Variants in PTPRT observed in about 807,000 individuals in gnomAD.
PTPRT encodes the protein receptor-type tyrosine-protein phosphatase T.
Under a neutral mutation model 176.8 loss-of-function variants are expected in PTPRT, and 56 were observed. The observed-to-expected ratio is 0.32, with a 90% CI of 0.26 to 0.40. The LOEUF (loss-of-function observed/expected upper bound fraction) is 0.40, where lower values mean the gene tolerates loss of function less well. PTPRT is among the 10% of genes least tolerant of loss of function. The pLI is 1.00. For synonymous variants in PTPRT, 783 were observed against 739.0 expected, an observed-to-expected ratio of 1.06 and a Z score of -0.96; for missense variants, 1,540 against 1,908.2, an observed-to-expected ratio of 0.81 and a Z score of 3.60.
chr20:42,972,698 A>AAT (rs1982724468), intron 1 of PTPRT, among the ~76,000 whole-genome samples: 1 of 147,068 alleles, frequency 6.8e-6, no homozygotes, highest in Non-Finnish European at 1.5e-5. Flanking sequence ...AAAAAAAAAA[A>AAT]GGAAGAAGAA....
At chr20:42,497,431 T>G (rs2071674464) in intron 7 of PTPRT, among the ~76,000 whole-genome samples, 1 of 152,042 alleles carries the variant, frequency 6.6e-6, no homozygotes, top group South Asian at 2.1e-4. Context: ...CAAAAGCTGC[T>G]TCTCCTGTTA....
At position 42,791,264 on chromosome 20, in the gene PTPRT, G is replaced by A. The variant is rs531203130; in HGVS notation, c.417C>T (p.Ser139=). The change falls in exon 3 of 31, where the codon TCC becomes TCT. Residue 139 remains serine (S), a synonymous_variant. Coordinates refer to ENST00000373187, the MANE Select transcript of PTPRT (RefSeq NM_007050.6). ...GPQGNPVWNV[S]GVVTEGWVKA... ...TCACCCAGCCCTCAGTGACGACCCCGGACACATTCCACACAGGGTTCCCTT... is the reference window on the plus strand; with the variant it reads ...TCACCCAGCCCTCAGTGACGACCCCAGACACATTCCACACAGGGTTCCCTT... 1.3e-4 allele frequency: 203 copies of A among 1,614,028 alleles called. 1 individual carries two copies. The East Asian group carries it at 3.7e-3, about 29-fold the overall frequency.
At chr20:42,433,308 A>G (rs73123336) in intron 9 of PTPRT, among the ~76,000 whole-genome samples, 17,950 of 152,238 alleles carry the variant, frequency 0.12, 1,071 homozygotes, top group Middle Eastern at 0.14. Context: ...AAAGAAATCC[A>G]GAAATTACCT....
At chr20:42,422,472 A>G (rs1308326710) in intron 9 of PTPRT, among the ~76,000 whole-genome samples, 1 of 152,218 alleles carries the variant, frequency 6.6e-6, no homozygotes, top group East Asian at 1.9e-4. Context: ...ATCGTTAGAG[A>G]AATGCAAATC....
chr20:42,221,258 C>A (rs1390652716), intron 15 of PTPRT, among the ~76,000 whole-genome samples: 2 of 152,082 alleles, frequency 1.3e-5, no homozygotes. Context: ...TCCGCCTTGG[C>A]CTCCCAAAGT....
intron 13 of PTPRT, among the ~76,000 whole-genome samples, chr20:42,253,308 TA>T (rs918545923): frequency 3.6e-4 from 55 of 152,252 alleles, no homozygotes; most frequent in African/African-American, 1.3e-3. Flanking sequence ...ATGCCAGCAG[TA>T]GGTCCATATA....
intron 9 of PTPRT, among the ~76,000 whole-genome samples, chr20:42,391,136 C>T (rs1007741644): frequency 2.0e-5 from 3 of 152,044 alleles, no homozygotes; most frequent in Admixed American, 6.6e-5. Flanking sequence ...GAGGGAGGAG[C>T]GTGGCTAGGA....
At chr20:42,735,573 G>C (rs900923772) in intron 6 of PTPRT, among the ~76,000 whole-genome samples, 2 of 151,892 alleles carry the variant, frequency 1.3e-5, no homozygotes, top group Non-Finnish European at 2.9e-5. Flanking sequence ...TCCAAAAATA[G>C]TCTTTTTCAG....
intron 9 of PTPRT, among the ~76,000 whole-genome samples, chr20:42,371,467 A>T (rs1250244630): frequency 6.6e-6 from 1 of 152,086 alleles, no homozygotes; most frequent in Non-Finnish European, 1.5e-5. Context: ...AGCAAATATT[A>T]CTCATGCAAT....
chr20:42,944,255 A>G (rs1568692698), intron 1 of PTPRT, among the ~76,000 whole-genome samples: 1 of 152,074 alleles, frequency 6.6e-6, no homozygotes, highest in Non-Finnish European at 1.5e-5. Flanking sequence ...CTTCTGCTGG[A>G]ATTTCTGTCT....
At chr20:42,282,452 A>C in intron 13 of PTPRT, 37 bp downstream of exon 13, 1 of 1,578,200 alleles carries the variant, frequency 6.3e-7, no homozygotes, top group Non-Finnish European at 8.7e-7. Flanking sequence ...AAATGGCTGA[A>C]GAACAGGTGA....
intron 7 of PTPRT, among the ~76,000 whole-genome samples, chr20:42,664,533 G>A (rs935260398): frequency 1.4e-4 from 21 of 151,874 alleles, no homozygotes; most frequent in African/African-American, 5.1e-4. Flanking sequence ...AATTTAATTA[G>A]CACATGGTAA....
intron 7 of PTPRT, among the ~76,000 whole-genome samples, chr20:42,551,499 CAG>C (rs1375403229): frequency 2.6e-5 from 4 of 152,166 alleles, no homozygotes; most frequent in African/African-American, 7.2e-5. Context: ...GATGGCTAAA[CAG>C]AGATTTTTTT....
intron 6 of PTPRT, among the ~76,000 whole-genome samples, chr20:42,727,822 CA>C (rs2076403181): frequency 6.6e-6 from 1 of 152,086 alleles, no homozygotes; most frequent in African/African-American, 2.4e-5. Flanking sequence ...GGTACAAGTC[CA>C]ACGTTCTTAG....
chr20:43,035,757 G>C (rs1986352270), intron 1 of PTPRT, among the ~76,000 whole-genome samples: 1 of 152,174 alleles, frequency 6.6e-6, no homozygotes. Flanking sequence ...ACAGAATTTG[G>C]AGTCCACTGA....
chr20:42,483,817 C>G (rs74682425), intron 7 of PTPRT, among the ~76,000 whole-genome samples: 23 of 152,358 alleles, frequency 1.5e-4, no homozygotes, highest in African/African-American at 4.6e-4. Flanking sequence ...TCTTGCTTTA[C>G]GGTGCTAAGG....
At chr20:42,033,095 C>A in the PTPRT span, among the ~76,000 whole-genome samples, 2 of 152,040 alleles carry the variant, frequency 1.3e-5, no homozygotes, top group Admixed American at 6.5e-5. Flanking sequence ...GAGGTGAGAC[C>A]GGATAAGTGA....
At chr20:43,045,613 TCCAG>T in intron 1 of PTPRT, among the ~76,000 whole-genome samples, 10 of 147,864 alleles carry the variant, frequency 6.8e-5, no homozygotes, top group African/African-American at 2.6e-4. Flanking sequence ...CACCACCATG[TCCAG>T]CTAATTTTTC....
intron 1 of PTPRT, among the ~76,000 whole-genome samples, chr20:43,017,932 T>G (rs1421122957): frequency 2.0e-5 from 3 of 152,160 alleles, no homozygotes; most frequent in Non-Finnish European, 2.9e-5. Flanking sequence ...GAAAGGGCAA[T>G]TCACCCTCCA....
Sources: gnomAD v4.1 joint callset for allele counts (sites outside exome capture counted in the v4.1 genomes callset) on GRCh38, gnomAD v4.1.1 for gene constraint, MANE v1.5 for transcripts, NCBI Gene and HGNC (gene_info 2026-07-23, HGNC 2026-07-21) for gene names.